Variants in SYNGR1 observed in about 807,000 individuals in gnomAD.
SYNGR1 encodes synaptogyrin 1.
SYNGR1 carries 14 observed loss-of-function variants against 26.1 expected under a neutral mutation model. That is an observed-to-expected ratio of 0.54 (90% CI 0.35 to 0.84). The LOEUF (loss-of-function observed/expected upper bound fraction) is 0.84. Ranked by LOEUF, SYNGR1 falls within the 40% of genes least tolerant of loss-of-function variation. The pLI is 0.01. For synonymous variants in SYNGR1, 141 were observed against 150.1 expected (o/e 0.94, Z 0.44); for missense variants, 319 against 332.9 (o/e 0.96, Z 0.33).
chr22:39,357,918 C>T (rs1263130336), intron 1 of SYNGR1, among the ~76,000 whole-genome samples: 2 of 152,248 alleles, frequency 1.3e-5, no homozygotes, highest in Non-Finnish European at 1.5e-5. Flanking sequence ...CGAGCCTCCC[C>T]GATGAGCACC....
At position 39,350,220 on chromosome 22, in the gene SYNGR1, G is replaced by C; in HGVS notation, c.99+111G>C. On this transcript the variant is annotated intron_variant, in intron 1 of 3. Coordinates refer to ENST00000328933, the MANE Select transcript of SYNGR1 (RefSeq NM_004711.5). This position sits in a 1 kb window ranked among gnomAD's most constrained non-coding sequence, Gnocchi z 4.3. Reference sequence around the variant, plus strand: ...CGACCCCAACGGGCCCCCGGCGGCGGCGCGGCGGCGGGCGAGGAGCTGTCC... The same window carrying C: ...CGACCCCAACGGGCCCCCGGCGGCGCCGCGGCGGCGGGCGAGGAGCTGTCC... The C allele has an allele frequency of 1.4e-6, 1 of 709,320 alleles. No individual in the cohort carries two copies. Among genetic ancestry groups the C allele is most frequent in the Non-Finnish European group, 1.8e-6 (1 of 544,450 alleles). The allele number at this position is 709,320 out of a possible 1,614,324, so 43.9% of individuals were successfully genotyped here. A position where few individuals can be genotyped will look rare whatever the true frequency, so the allele number is the denominator to read the frequency against.
chr22:39,360,611 C>T (rs567883974), intron 1 of SYNGR1, among the ~76,000 whole-genome samples: 13 of 152,198 alleles, frequency 8.5e-5, no homozygotes, highest in South Asian at 6.2e-4. Context: ...ACCCTCACCC[C>T]GCTCGTCCTC....
intron 1 of SYNGR1, among the ~76,000 whole-genome samples, chr22:39,354,592 C>T (rs1924063561): frequency 6.6e-6 from 1 of 152,212 alleles, no homozygotes; most frequent in Non-Finnish European, 1.5e-5. Flanking sequence ...ATAATCCCAG[C>T]ACTTTGGGAG....
intron 1 of SYNGR1, among the ~76,000 whole-genome samples, chr22:39,362,924 C>T (rs1168674231): frequency 2.6e-5 from 4 of 152,142 alleles, no homozygotes; most frequent in Non-Finnish European, 4.4e-5. Context: ...GACGTGCACC[C>T]AACAACTGAA....
At chr22:39,366,985 A>C (rs11912056) in intron 1 of SYNGR1, among the ~76,000 whole-genome samples, 7,925 of 151,902 alleles carry the variant, frequency 0.052, 684 homozygotes, top group African/African-American at 0.18. Flanking sequence ...CTGAACACAC[A>C]CAGCTTCTTT....
chr22:39,357,983 G>C (rs1234244195), intron 1 of SYNGR1, among the ~76,000 whole-genome samples: 1 of 152,260 alleles, frequency 6.6e-6, no homozygotes, highest in Admixed American at 6.5e-5. Flanking sequence ...TGAGGAGTGC[G>C]AGCGCACGGC....
chr22:39,369,499 G>A (rs1299202512), intron 1 of SYNGR1, among the ~76,000 whole-genome samples: 2 of 152,102 alleles, frequency 1.3e-5, no homozygotes, highest in Non-Finnish European at 2.9e-5. Context: ...CTGGTCCTCT[G>A]CCTGATCCCT....
intron 1 of SYNGR1, among the ~76,000 whole-genome samples, chr22:39,355,465 C>A (rs1164948299): frequency 1.3e-5 from 2 of 152,244 alleles, no homozygotes; most frequent in African/African-American, 4.8e-5. Flanking sequence ...TCCGCCGCTT[C>A]TTCTCTCTCA....
chr22:39,363,614 G>C (rs1780836258), intron 1 of SYNGR1, among the ~76,000 whole-genome samples: 1 of 152,074 alleles, frequency 6.6e-6, no homozygotes, highest in Non-Finnish European at 1.5e-5. Flanking sequence ...GGGACCTCAG[G>C]GCCATTCTAG....
chr22:39,382,643 C>T lies in SYNGR1; in HGVS notation c.*729C>T, dbSNP rs1925536069. 6.5e-6 allele frequency: 1 copy of T among 153,170 alleles called. No homozygotes were observed. The highest frequency in any genetic ancestry group is 1.5e-5 in the Non-Finnish European group (1 of 68,740). 9.5% of individuals were successfully genotyped at this position (153,170 alleles called of 1,614,324 possible). A position where few individuals can be genotyped will look rare whatever the true frequency, so the allele number is the denominator to read the frequency against. On this transcript the variant is annotated 3_prime_UTR_variant, in exon 4 of 4. Coordinates refer to ENST00000328933, the MANE Select transcript of SYNGR1 (RefSeq NM_004711.5). ...CAGTGTTACTGTCATTCTGGGAGGC[C>T]TTGGGGCCCTCAGCCCCTTGAGACA...
intron 1 of SYNGR1, among the ~76,000 whole-genome samples, chr22:39,361,450 C>T (rs6001556): frequency 9.6e-4 from 143 of 148,650 alleles, no homozygotes; most frequent in African/African-American, 3.5e-3. Flanking sequence ...CCTCCACAAT[C>T]GGGGTCAACC....
In SYNGR1 at chr22:39,384,890, G is replaced by A; in HGVS notation, c.*2976G>A. 1 of 398,938 alleles carries A rather than the reference G, an allele frequency of 2.5e-6. No homozygotes were observed. The highest frequency in any genetic ancestry group is 4.4e-6 in the Non-Finnish European group (1 of 226,142). 24.7% of individuals were successfully genotyped at this position (398,938 alleles called of 1,614,324 possible). On this transcript the variant is annotated 3_prime_UTR_variant, in exon 4 of 4. Transcript: ENST00000328933. ...CAAGCACAGAGGGAGAGGTTCAGGAGTCAGGTCTTCTGCCTTCTGAGTTGG... is the reference window on the plus strand; with the variant it reads ...CAAGCACAGAGGGAGAGGTTCAGGAATCAGGTCTTCTGCCTTCTGAGTTGG...
intron 1 of SYNGR1, among the ~76,000 whole-genome samples, chr22:39,367,118 TG>T (rs1287039650): frequency 6.6e-6 from 1 of 152,216 alleles, no homozygotes; most frequent in Non-Finnish European, 1.5e-5. Flanking sequence ...CGCCTCCTCT[TG>T]CCCTGCTTCG....
chr22:39,378,217 T>C, intron 3 of SYNGR1: 1 of 1,064,870 alleles, frequency 9.4e-7, no homozygotes, highest in Non-Finnish European at 1.1e-6. Context: ...TCATGTGCTA[T>C]GTGACCCTGA....
intron 1 of SYNGR1, among the ~76,000 whole-genome samples, chr22:39,364,647 T>C (rs1335186788): frequency 6.6e-6 from 1 of 152,150 alleles, no homozygotes; most frequent in Admixed American, 6.5e-5. Flanking sequence ...TTCGCTCCCA[T>C]TGAAGATGAA....
intron 1 of SYNGR1, among the ~76,000 whole-genome samples, chr22:39,351,976 G>A (rs1192354169): frequency 2.0e-5 from 3 of 152,236 alleles, no homozygotes; most frequent in Non-Finnish European, 4.4e-5. Flanking sequence ...GCCCCTCTGA[G>A]CACCCATGGG....
chr22:39,382,002 G>C lies in SYNGR1; in HGVS notation c.*88G>C, dbSNP rs541508242. ...GCTCCTGCCCAGGCTGCCCTGCCCA[G>C]CGCCTCATCAGCCTCTGCCTTGTCC... On this transcript the variant is annotated 3_prime_UTR_variant, in exon 4 of 4. Transcript: ENST00000328933. 9.5e-5 allele frequency: 136 copies of C among 1,425,776 alleles called. No individual in the cohort carries two copies. The African/African-American group carries it at 1.8e-3, about 19-fold the overall frequency. 88.3% of individuals were successfully genotyped at this position (1,425,776 alleles called of 1,614,324 possible).
intron 1 of SYNGR1, among the ~76,000 whole-genome samples, chr22:39,360,092 A>C (rs5757632): frequency 0.56 from 85,630 of 152,066 alleles, 27,400 homozygotes; most frequent in East Asian, 0.85. Flanking sequence ...GGTTAAATTC[A>C]GTCCTAGGCA....
At chr22:39,370,332 G>A (rs539595254) in intron 1 of SYNGR1, among the ~76,000 whole-genome samples, 7 of 152,034 alleles carry the variant, frequency 4.6e-5, no homozygotes, top group African/African-American at 1.2e-4. Context: ...GGGTTTCACC[G>A]TGTTAGCCAG....
Sources: allele counts gnomAD v4.1 joint callset (sites outside exome capture counted in the v4.1 genomes callset), GRCh38; gene constraint gnomAD v4.1.1; non-coding constraint Gnocchi (gnomAD v3.1); transcripts MANE v1.5; gene names NCBI Gene and HGNC (gene_info 2026-07-23, HGNC 2026-07-21).